The following PARM1 variants were observed in gnomAD, a reference collection of about 807,000 sequenced individuals.
PARM1 encodes prostate androgen-regulated mucin-like protein 1.
A neutral mutation model predicts 24.6 loss-of-function variants in PARM1; 14 were observed. That is an observed-to-expected ratio of 0.57 (90% CI 0.38 to 0.89). PARM1 has a LOEUF of 0.89. Ranked by LOEUF, PARM1 falls within the 40% of genes least tolerant of loss-of-function variation. The pLI is 0.00. For missense variants in PARM1, 362 were observed against 380.4 expected (o/e 0.95, Z 0.40); for synonymous variants, 179 against 156.6 (o/e 1.14, Z -1.07).
intron 2 of PARM1, among the ~76,000 whole-genome samples, chr4:75,028,253 G>C (rs908452907): frequency 2.0e-5 from 3 of 152,192 alleles, no homozygotes; most frequent in East Asian, 3.8e-4. Flanking sequence ...CTCTTGCTGT[G>C]AGAATGAAGA....
intron 1 of PARM1, among the ~76,000 whole-genome samples, chr4:74,988,685 G>A (rs948016513): frequency 6.6e-6 from 1 of 152,128 alleles, no homozygotes; most frequent in African/African-American, 2.4e-5. Context: ...ATGTATCAGG[G>A]GCTGTTTTAA....
Position 75,033,947 on chromosome 4 carries a change from C to T in PARM1, c.834C>T (p.Ala278=). 1 of 1,601,420 alleles carries T rather than the reference C, an allele frequency of 6.2e-7. No individual in the cohort carries two copies. The highest frequency in any genetic ancestry group is 8.5e-7 in the Non-Finnish European group (1 of 1,173,782). ...AVVLLVFGVA[A]YLKIRHSSYG... ...TGCTGCTGGTGTTTGGAGTTGCAGC[C>T]TACCTAAAAATCAGGTGAGACGCAG... Residue 278 remains alanine (A), a synonymous_variant, in exon 3 of 4, where the codon GCC becomes GCT. Transcript: ENST00000307428.
chr4:74,973,673 T>C (rs1722085785), intron 1 of PARM1, among the ~76,000 whole-genome samples: 1 of 152,194 alleles, frequency 6.6e-6, no homozygotes, highest in Non-Finnish European at 1.5e-5. Flanking sequence ...TAAAGTTAAA[T>C]AGACCATTTT....
At chr4:74,984,908 C>A (rs1722323914) in intron 1 of PARM1, among the ~76,000 whole-genome samples, 1 of 152,142 alleles carries the variant, frequency 6.6e-6, no homozygotes, top group Non-Finnish European at 1.5e-5. Flanking sequence ...CCTTCTGGCC[C>A]TTTAGAGAAA....
intron 1 of PARM1, among the ~76,000 whole-genome samples, chr4:74,985,355 A>G (rs1321730132): frequency 6.6e-6 from 1 of 152,230 alleles, no homozygotes; most frequent in Non-Finnish European, 1.5e-5. Context: ...TCAGCATCAT[A>G]GGACAGCTAG....
intron 1 of PARM1, among the ~76,000 whole-genome samples, chr4:74,999,464 A>G (rs1262510335): frequency 6.6e-6 from 1 of 152,188 alleles, no homozygotes. Flanking sequence ...GACATTAAGC[A>G]TTAAAATCCA....
At position 74,949,350 on chromosome 4, in the gene PARM1, G is replaced by A. The variant is rs555067981; in HGVS notation, c.43+15980G>A. Among the ~76,000 whole-genome samples, 237 of 152,208 alleles carry A rather than the reference G, an allele frequency of 1.6e-3. 1 individual carries two copies. Among genetic ancestry groups the A allele is most frequent in the Non-Finnish European group, 2.9e-3 (196 of 68,008 alleles). ...TTTCTTTTTTTTGAGATGGAGTCTT[G>A]CTCTGTCACCCAGACTGGAGTGCAG... On this transcript the variant is annotated intron_variant, in intron 1 of 3. Coordinates refer to ENST00000307428, the MANE Select transcript of PARM1 (RefSeq NM_015393.4).
Position 74,933,279 on chromosome 4 carries a change from C to G in PARM1, c.-49C>G, listed in dbSNP as rs753879005. 6.3e-7 allele frequency: 1 copy of G among 1,579,038 alleles called. No individual in the cohort carries two copies. Among genetic ancestry groups the G allele is most frequent in the Non-Finnish European group, 8.7e-7 (1 of 1,151,812 alleles). On this transcript the variant is annotated 5_prime_UTR_variant, in exon 1 of 4. Transcript: ENST00000307428. ...GCGCCCAGTGCGCTCTGTCAGTCCG[C>G]AAACTCCTTGCCGCCCGCCCCGGGC... is the stretch of plus-strand genomic sequence containing the variant.
In PARM1 at chr4:74,956,767, T is replaced by G. The variant is rs1262838178; in HGVS notation, c.43+23397T>G. 2.6e-5 allele frequency: 4 copies of G among 152,234 alleles called. No individual in the cohort carries two copies. The East Asian group carries it at 7.7e-4, about 29-fold the overall frequency. 9.4% of individuals were successfully genotyped at this position (152,234 alleles called of 1,614,324 possible). On this transcript the variant is annotated intron_variant, in intron 1 of 3. Coordinates refer to ENST00000307428, the MANE Select transcript of PARM1 (RefSeq NM_015393.4). ...AATCTTTTGCCAATGTTAAACCTTT[T>G]TTCTGAGTAGGTCTATGACTGATAT...
At chr4:74,942,501 G>A (rs528585511) in intron 1 of PARM1, among the ~76,000 whole-genome samples, 28 of 152,330 alleles carry the variant, frequency 1.8e-4, no homozygotes, top group African/African-American at 5.3e-4. Context: ...CTTCCCCTAG[G>A]GGGCTTATCT....
intron 1 of PARM1, among the ~76,000 whole-genome samples, chr4:74,983,030 C>T (rs887848244): frequency 1.2e-4 from 18 of 152,164 alleles, no homozygotes; most frequent in Non-Finnish European, 1.0e-4. Context: ...AAAAATTGTT[C>T]CAGGGACCAG....
At chr4:75,041,664 A>G (rs971000818) in intron 3 of PARM1, among the ~76,000 whole-genome samples, 1 of 152,164 alleles carries the variant, frequency 6.6e-6, no homozygotes, top group East Asian at 1.9e-4. Flanking sequence ...AATAGGTACC[A>G]TTTTGCAGTG....
chr4:74,969,329 C>T (rs1401326589), intron 1 of PARM1, among the ~76,000 whole-genome samples: 1 of 152,028 alleles, frequency 6.6e-6, no homozygotes, highest in African/African-American at 2.4e-5. Context: ...AAGCATGAAC[C>T]CAAATTTCTA....
At chr4:74,997,890 A>AT (rs758094799) in intron 1 of PARM1, 1 of 152,238 alleles carries the variant, frequency 6.6e-6, no homozygotes, top group African/African-American at 2.4e-5. Context: ...ACGCATATAG[A>AT]TTTATTCTAA....
intron 1 of PARM1, among the ~76,000 whole-genome samples, chr4:74,986,822 T>C (rs563460639): frequency 2.0e-5 from 3 of 152,162 alleles, no homozygotes; most frequent in East Asian, 3.9e-4. Context: ...AGGAAACCTC[T>C]TGCTAAGGAA....
At position 74,984,892 on chromosome 4, in the gene PARM1, C is replaced by T. The variant is rs189690801; in HGVS notation, c.44-27533C>T. Among the ~76,000 whole-genome samples the T allele has an allele frequency of 3.3e-3, 509 of 152,274 alleles. 6 individuals carry two copies. Among genetic ancestry groups the T allele is most frequent in the African/African-American group, 0.011 (474 of 41,558 alleles). ...CTATATGTGGTCCCAAAGCTTAAAA[C>T]ATTTACCTTCTGGCCCTTTAGAGAA... On this transcript the variant is annotated intron_variant, in intron 1 of 3. Transcript: ENST00000307428.
chr4:74,981,996 T>A (rs150915924), intron 1 of PARM1, among the ~76,000 whole-genome samples: 1 of 151,766 alleles, frequency 6.6e-6, no homozygotes, highest in Non-Finnish European at 1.5e-5. Context: ...CCCGCACTCA[T>A]ATGTTCATTG....
At chr4:74,939,525 A>T (rs994265631) in intron 1 of PARM1, among the ~76,000 whole-genome samples, 9 of 151,776 alleles carry the variant, frequency 5.9e-5, no homozygotes, top group African/African-American at 1.5e-4. Flanking sequence ...CTTTTTTTTT[A>T]AAAGAAAGTT....
intron 1 of PARM1, among the ~76,000 whole-genome samples, chr4:74,964,886 T>C (rs762630130): frequency 2.0e-5 from 3 of 152,214 alleles, no homozygotes; most frequent in Non-Finnish European, 4.4e-5. Context: ...ATAAGAAATC[T>C]AGGTTAGTTT....
Sources: allele counts gnomAD v4.1 joint callset (sites outside exome capture counted in the v4.1 genomes callset), GRCh38; gene constraint gnomAD v4.1.1; transcripts MANE v1.5; gene names NCBI Gene and HGNC (gene_info 2026-07-23, HGNC 2026-07-21).